Variants in CCDC102B observed in about 807,000 individuals in gnomAD.
The protein encoded by CCDC102B is coiled-coil domain-containing protein 102B.
A neutral mutation model predicts 57.4 loss-of-function variants in CCDC102B; 75 were observed. The observed-to-expected ratio is 1.31, with a 90% CI of 1.08 to 1.58. The LOEUF (loss-of-function observed/expected upper bound fraction) is 1.58, where lower values mean the gene tolerates loss of function less well. CCDC102B is among the 40% of genes most tolerant of loss of function. CCDC102B has a pLI of 0.00. For missense variants in CCDC102B, 636 were observed against 582.6 expected, an observed-to-expected ratio of 1.09 and a Z score of -0.94; for synonymous variants, 206 against 201.9, an observed-to-expected ratio of 1.02 and a Z score of -0.17.
intron 2 of CCDC102B, among the ~76,000 whole-genome samples, chr18:68,790,562 GCAGTATTC>G (rs1249507152): frequency 6.6e-6 from 1 of 152,218 alleles, no homozygotes; most frequent in Non-Finnish European, 1.5e-5. Context: ...TCGGAAAAGT[GCAGTATTC>G]GGGTGGGAGT....
chr18:68,895,314 C>A (rs2040204821), intron 5 of CCDC102B, among the ~76,000 whole-genome samples: 1 of 151,584 alleles, frequency 6.6e-6, no homozygotes, highest in Non-Finnish European at 1.5e-5. Context: ...GCCAGAACAT[C>A]TCTTAGATTT....
chr18:68,955,841 ATG>A (rs2049830609), intron 6 of CCDC102B, among the ~76,000 whole-genome samples: 1 of 152,038 alleles, frequency 6.6e-6, no homozygotes, highest in African/African-American at 2.4e-5. Context: ...TACAGGCTAA[ATG>A]TGTAGTAATC....
chr18:68,743,498 T>C (rs1240094827), intron 2 of CCDC102B, among the ~76,000 whole-genome samples: 1 of 152,182 alleles, frequency 6.6e-6, no homozygotes, highest in Non-Finnish European at 1.5e-5. Context: ...ATTACATGGT[T>C]CAATTCACAA....
chr18:69,053,930 G>A, intron 7 of CCDC102B, 100 bp from the exon 8 acceptor site: 1 of 910,744 alleles, frequency 1.1e-6, no homozygotes. Context: ...TATTCTCTTA[G>A]CAATTTTTAA....
intron 1 of CCDC102B, among the ~76,000 whole-genome samples, chr18:68,802,271 C>G: frequency 1.3e-5 from 2 of 152,220 alleles, no homozygotes; most frequent in African/African-American, 4.8e-5. Flanking sequence ...AAAGCAACTA[C>G]GTAGAGTCCC....
chr18:69,004,828 T>A (rs1281380256), intron 6 of CCDC102B, among the ~76,000 whole-genome samples: 1 of 152,156 alleles, frequency 6.6e-6, no homozygotes, highest in African/African-American at 2.4e-5. Flanking sequence ...TGAAGGCTTG[T>A]GGAATGAATG....
chr18:68,923,558 T>C (rs2041363412), intron 6 of CCDC102B, among the ~76,000 whole-genome samples: 1 of 152,002 alleles, frequency 6.6e-6, no homozygotes, highest in Non-Finnish European at 1.5e-5. Flanking sequence ...TGATAGGTAT[T>C]TTATCACCCC....
At chr18:68,792,638 G>A (rs1475039095) in intron 2 of CCDC102B, among the ~76,000 whole-genome samples, 1 of 152,160 alleles carries the variant, frequency 6.6e-6, no homozygotes, top group African/African-American at 2.4e-5. Flanking sequence ...CTGTCAGAAT[G>A]TTTCTACAGG....
At chr18:68,808,146 C>T (rs752675318) in intron 1 of CCDC102B, among the ~76,000 whole-genome samples, 1 of 152,110 alleles carries the variant, frequency 6.6e-6, no homozygotes, top group Non-Finnish European at 1.5e-5. Context: ...TTACATATTG[C>T]ACAACCATTC....
chr18:68,878,389 C>A (rs761887931), intron 5 of CCDC102B, among the ~76,000 whole-genome samples: 2 of 152,156 alleles, frequency 1.3e-5, no homozygotes, highest in Non-Finnish European at 2.9e-5. Context: ...TGAGCCACCA[C>A]GCCTGGGCTA....
chr18:68,739,742 C>T (rs1429013138), intron 2 of CCDC102B, among the ~76,000 whole-genome samples: 2 of 152,128 alleles, frequency 1.3e-5, no homozygotes, highest in Non-Finnish European at 2.9e-5. Context: ...TGCCTTCTTC[C>T]AAACCTAGAG....
intron 7 of CCDC102B, among the ~76,000 whole-genome samples, chr18:69,024,203 A>AC (rs1232147057): frequency 6.6e-6 from 1 of 152,052 alleles, no homozygotes; most frequent in East Asian, 1.9e-4. Flanking sequence ...TACTAGTTAC[A>AC]CCAGTGATAT....
chr18:68,847,032 T>C (rs1345236873), intron 4 of CCDC102B, among the ~76,000 whole-genome samples: 2 of 151,820 alleles, frequency 1.3e-5, no homozygotes, highest in Non-Finnish European at 3.0e-5. Flanking sequence ...TTGAGTAATA[T>C]TTTACATGTT....
intron 6 of CCDC102B, among the ~76,000 whole-genome samples, chr18:68,961,129 A>T (rs1027879875): frequency 1.3e-5 from 2 of 152,130 alleles, no homozygotes; most frequent in Non-Finnish European, 1.5e-5. Flanking sequence ...TTTAGTTTTT[A>T]TTGAAATGAA....
In CCDC102B at chr18:68,913,310, C is replaced by CTGTGTGGGTGTG. The variant is rs1555725390; in HGVS notation, c.1263+15888_1263+15889insGGTGTGTGTGTG. 3.7e-5 allele frequency among the ~76,000 whole-genome samples: 5 copies of CTGTGTGGGTGTG among 135,496 alleles called. No homozygotes were observed. The Admixed American group carries it at 3.8e-4, about 10-fold the overall frequency. The allele number at this position is 135,496 out of a possible 152,430, so 88.9% of individuals were successfully genotyped here. On this transcript the variant is annotated intron_variant, in intron 6 of 7. Transcript: ENST00000360242. Reference sequence around the variant, plus strand: ...TAATTTTCCATTGGATGGTTAGTGTCTGTGTGTGTGTGTGTGTGTGTGTGT... The same window carrying CTGTGTGGGTGTG: ...TAATTTTCCATTGGATGGTTAGTGTCTGTGTGGGTGTGTGTGTGTGTGTGTGTGTGTGTGTGT...
At chr18:69,006,204 A>T (rs1158977021) in intron 6 of CCDC102B, among the ~76,000 whole-genome samples, 1 of 152,126 alleles carries the variant, frequency 6.6e-6, no homozygotes, top group East Asian at 1.9e-4. Flanking sequence ...GTTATAAAAG[A>T]TACTGCGATT....
At chr18:68,742,453 G>A (rs1332214391) in intron 2 of CCDC102B, among the ~76,000 whole-genome samples, 1 of 152,196 alleles carries the variant, frequency 6.6e-6, no homozygotes, top group African/African-American at 2.4e-5. Flanking sequence ...TAGGATGTCA[G>A]CATATATTTT....
At chr18:69,010,036 A>G (rs1375585427) in intron 6 of CCDC102B, among the ~76,000 whole-genome samples, 2 of 125,078 alleles carry the variant, frequency 1.6e-5, no homozygotes, top group Non-Finnish European at 3.2e-5. Flanking sequence ...GGTTCACGCC[A>G]TTTTCCTGCC....
intron 6 of CCDC102B, among the ~76,000 whole-genome samples, chr18:69,004,485 T>C (rs1462918789): frequency 6.6e-6 from 1 of 152,148 alleles, no homozygotes; most frequent in African/African-American, 2.4e-5. Flanking sequence ...AGGAAAGAGC[T>C]GTCAGTGAAG....
Sources: gnomAD v4.1 joint callset for allele counts (sites outside exome capture counted in the v4.1 genomes callset) on GRCh38, gnomAD v4.1.1 for gene constraint, MANE v1.5 for transcripts, NCBI Gene and HGNC (gene_info 2026-07-23, HGNC 2026-07-21) for gene names.